Variants in TLK1 observed in about 807,000 individuals in gnomAD.
TLK1 encodes the protein serine/threonine-protein kinase tousled-like 1.
In TLK1, 24 loss-of-function variants were observed where a neutral mutation model predicts 105.3. The observed-to-expected ratio is 0.23, with a 90% CI of 0.17 to 0.32. The LOEUF (loss-of-function observed/expected upper bound fraction) is 0.32, where lower values mean the gene tolerates loss of function less well. Among genes scored for constraint, TLK1 ranks in the 10% least tolerant of loss-of-function variants. The probability of loss-of-function intolerance (pLI) is 1.00; values close to 1 mark genes in which losing one functional copy is unlikely to be tolerated. For synonymous variants in TLK1, 321 were observed against 310.4 expected, an observed-to-expected ratio of 1.03 and a Z score of -0.36; for missense variants, 558 against 910.5, an observed-to-expected ratio of 0.61 and a Z score of 4.98.
intron 3 of TLK1, among the ~76,000 whole-genome samples, chr2:171,077,383 C>T (rs1688559267): frequency 6.6e-6 from 1 of 152,190 alleles, no homozygotes; most frequent in Non-Finnish European, 1.5e-5. Flanking sequence ...CACAGCTCTG[C>T]TATGACTCTT....
rs1205884570 is a variant in TLK1, at chr2:171,160,760, G to GGGCGGAGCGCA, written c.-333_-332insTGCGCTCCGCC. ...CGGGGTCGGAGCGCGGGCGGAGCGCGGGCTGCGCCGGCCGAGGACACTTCC... is the reference window on the plus strand; with the variant it reads ...CGGGGTCGGAGCGCGGGCGGAGCGCGGGCGGAGCGCAGGCTGCGCCGGCCGAGGACACTTCC... On this transcript the variant is annotated 5_prime_UTR_variant, in exon 1 of 21. Transcript: ENST00000431350. The surrounding 1 kb of genome is among the most constrained non-coding windows in gnomAD (Gnocchi z 4.4). 127 of 432,028 alleles carry GGGCGGAGCGCA rather than the reference G, an allele frequency of 2.9e-4. 1 individual carries two copies. Among genetic ancestry groups the GGGCGGAGCGCA allele is most frequent in the African/African-American group, 2.1e-3 (101 of 48,416 alleles). The allele number at this position is 432,028 out of a possible 1,614,324, so 26.8% of individuals were successfully genotyped here.
chr2:171,152,352 T>A (rs1202586445), intron 1 of TLK1, among the ~76,000 whole-genome samples: 1 of 152,200 alleles, frequency 6.6e-6, no homozygotes, highest in Non-Finnish European at 1.5e-5. Context: ...GACCTAATGA[T>A]GAAGCCACAT....
chr2:171,210,757 G>A (rs1334001282), intron 1 of TLK1, among the ~76,000 whole-genome samples: 1 of 152,126 alleles, frequency 6.6e-6, no homozygotes, highest in African/African-American at 2.4e-5. Context: ...CAATTTACAA[G>A]GGAGAATTTG....
At chr2:171,099,827 C>T (rs1321186816) in intron 2 of TLK1, among the ~76,000 whole-genome samples, 2 of 152,158 alleles carry the variant, frequency 1.3e-5, no homozygotes, top group Admixed American at 1.3e-4. Flanking sequence ...TTTGGATTCC[C>T]TACCTCATAC....
At chr2:171,023,147 A>C in intron 12 of TLK1, 1 of 471,112 alleles carries the variant, frequency 2.1e-6, no homozygotes. Context: ...ACGGAGGCAC[A>C]AGGAGAGATG....
intron 3 of TLK1, chr2:171,066,744 C>T (rs2105454374): frequency 7.9e-7 from 1 of 1,273,606 alleles, no homozygotes; most frequent in Non-Finnish European, 1.1e-6. Flanking sequence ...TTTCCTGGCA[C>T]TTTCCCTTCT....
At chr2:171,078,301 A>T (rs1688603518) in intron 3 of TLK1, among the ~76,000 whole-genome samples, 1 of 152,162 alleles carries the variant, frequency 6.6e-6, no homozygotes, top group African/African-American at 2.4e-5. Context: ...GCACTTTGGA[A>T]GGCCAAGGCA....
intron 3 of TLK1, among the ~76,000 whole-genome samples, chr2:171,062,055 T>C (rs990780668): frequency 6.6e-6 from 1 of 152,228 alleles, no homozygotes; most frequent in Admixed American, 6.5e-5. Context: ...CCAAATGACA[T>C]GTGTGTTCCT....
chr2:171,063,747 G>GT (rs1558918628), intron 3 of TLK1, among the ~76,000 whole-genome samples: 1 of 152,188 alleles, frequency 6.6e-6, no homozygotes, highest in Non-Finnish European at 1.5e-5. Context: ...GTAAAAAGGG[G>GT]TGAGTTCAAA....
intron 1 of TLK1, among the ~76,000 whole-genome samples, chr2:171,167,237 TATTAC>T (rs1692626407): frequency 6.6e-6 from 1 of 152,236 alleles, no homozygotes; most frequent in Admixed American, 6.5e-5. Flanking sequence ...ATGTATGAAT[TATTAC>T]ATTACAAATG....
intron 11 of TLK1, among the ~76,000 whole-genome samples, chr2:171,036,434 T>C (rs1326874341): frequency 1.3e-5 from 2 of 152,162 alleles, no homozygotes; most frequent in Admixed American, 6.5e-5. Flanking sequence ...AACAGATTGT[T>C]AGCAGGCTAA....
chr2:170,996,366 T>A, intron 20 of TLK1, among the ~76,000 whole-genome samples: 1 of 152,294 alleles, frequency 6.6e-6, no homozygotes, highest in African/African-American at 2.4e-5. Context: ...GATAAAATAA[T>A]ACATAAAAGG....
chr2:171,081,368 A>G (rs1396104055), intron 3 of TLK1, among the ~76,000 whole-genome samples: 13 of 152,216 alleles, frequency 8.5e-5, no homozygotes, highest in Non-Finnish European at 1.9e-4. Context: ...GTGAACAGAA[A>G]AGAGAAATAT....
At chr2:171,174,631 C>T (rs1692787879) in intron 1 of TLK1, among the ~76,000 whole-genome samples, 1 of 152,094 alleles carries the variant, frequency 6.6e-6, no homozygotes, top group African/African-American at 2.4e-5. Flanking sequence ...TCCACTAAGC[C>T]CTGAGTTCCT....
chr2:171,107,577 C>T (rs1044944736), intron 2 of TLK1, among the ~76,000 whole-genome samples: 1 of 152,078 alleles, frequency 6.6e-6, no homozygotes, highest in African/African-American at 2.4e-5. Context: ...TAAAATGAAC[C>T]AGGAATCCTT....
At chr2:171,067,405 C>A (rs1405633735) in intron 3 of TLK1, among the ~76,000 whole-genome samples, 1 of 151,982 alleles carries the variant, frequency 6.6e-6, no homozygotes. Context: ...TTGTGATCCA[C>A]CCGCCTCGGC....
chr2:171,007,941 T>C (rs539028378), intron 14 of TLK1, among the ~76,000 whole-genome samples: 3 of 152,234 alleles, frequency 2.0e-5, no homozygotes, highest in African/African-American at 7.2e-5. Context: ...ACATGACTTA[T>C]GTTTTTTTAA....
intron 10 of TLK1, among the ~76,000 whole-genome samples, chr2:171,048,623 A>C (rs981561911): frequency 1.9e-4 from 6 of 31,442 alleles, no homozygotes; most frequent in African/African-American, 3.2e-4. Flanking sequence ...TATCTGCAGA[A>C]TTGAAACCCA....
chr2:171,074,394 G>A (rs981112823), intron 3 of TLK1, among the ~76,000 whole-genome samples: 3 of 152,052 alleles, frequency 2.0e-5, no homozygotes, highest in African/African-American at 4.8e-5. Context: ...TTCGGAGGCC[G>A]ATGCAGGCAG....
Sources: gnomAD v4.1 joint callset for allele counts (sites outside exome capture counted in the v4.1 genomes callset) on GRCh38, gnomAD v4.1.1 for gene constraint, Gnocchi (gnomAD v3.1) non-coding constraint, MANE v1.5 for transcripts, NCBI Gene and HGNC (gene_info 2026-07-23, HGNC 2026-07-21) for gene names.